Variants in PHF20L1 observed in about 807,000 individuals in gnomAD.
The protein encoded by PHF20L1 is PHD finger protein 20-like protein 1.
A neutral mutation model predicts 125.5 loss-of-function variants in PHF20L1; 44 were observed. That is an observed-to-expected ratio of 0.35 (90% confidence interval 0.28 to 0.45). The LOEUF is 0.45. PHF20L1 is among the 20% of genes least tolerant of loss of function. The pLI is 1.00. For missense variants in PHF20L1, 1,012 were observed against 1,217.2 expected (o/e 0.83, Z 2.51); for synonymous variants, 380 against 403.1 (o/e 0.94, Z 0.69).
At chr8:132,787,706 TGTA>T (rs1831214254) in intron 2 of PHF20L1, among the ~76,000 whole-genome samples, 1 of 152,160 alleles carries the variant, frequency 6.6e-6, no homozygotes, top group Admixed American at 6.5e-5. Context: ...ATACTGTAAT[TGTA>T]GTATGTGATA....
At chr8:132,800,329 T>C (rs1392430617) in intron 6 of PHF20L1, among the ~76,000 whole-genome samples, 1 of 151,732 alleles carries the variant, frequency 6.6e-6, no homozygotes, top group South Asian at 2.1e-4. Flanking sequence ...TAGTAGTATA[T>C]TTCTTTTAAT....
chr8:132,777,396 G>C (rs2131277964), intron 1 of PHF20L1, among the ~76,000 whole-genome samples: 1 of 152,126 alleles, frequency 6.6e-6, no homozygotes, highest in East Asian at 1.9e-4. Flanking sequence ...AAGAATTTCA[G>C]TAGTCCTATT....
intron 4 of PHF20L1, 43 bp downstream of exon 4, chr8:132,794,860 G>C (rs780489382): frequency 2.4e-6 from 3 of 1,254,452 alleles, no homozygotes; most frequent in Non-Finnish European, 3.5e-6. Flanking sequence ...TAGATTAATA[G>C]TAAAATTTCA....
chr8:132,827,389 C>G (rs1836298787), intron 14 of PHF20L1, among the ~76,000 whole-genome samples: 1 of 152,018 alleles, frequency 6.6e-6, no homozygotes, highest in African/African-American at 2.4e-5. Context: ...ATTTGCCTAG[C>G]TTAGGTGTTC....
intron 12 of PHF20L1, among the ~76,000 whole-genome samples, chr8:132,819,768 T>C (rs1835377443): frequency 6.6e-6 from 1 of 151,982 alleles, no homozygotes; most frequent in South Asian, 2.1e-4. Flanking sequence ...GTAAATTTTC[T>C]TACTGTTGAA....
chr8:132,820,880 A>G (rs1248211278), intron 12 of PHF20L1, among the ~76,000 whole-genome samples: 2 of 152,040 alleles, frequency 1.3e-5, no homozygotes, highest in Non-Finnish European at 1.5e-5. Flanking sequence ...GGTTGTATGC[A>G]TATAATTTTG....
chr8:132,793,479 T>G (rs1248711969), intron 2 of PHF20L1, among the ~76,000 whole-genome samples: 1 of 152,134 alleles, frequency 6.6e-6, no homozygotes, highest in Non-Finnish European at 1.5e-5. Context: ...AAACAAAGAT[T>G]CTGAATTTAG....
At chr8:132,804,509 A>T in intron 7 of PHF20L1, 106 bp from the exon 8 acceptor site, 1 of 799,564 alleles carries the variant, frequency 1.3e-6, no homozygotes, top group Non-Finnish European at 2.0e-6. Context: ...GTAGTAGATT[A>T]AAAAAACTAA....
intron 10 of PHF20L1, chr8:132,815,448 A>G (rs1193911368): frequency 1.3e-5 from 2 of 151,990 alleles, no homozygotes; most frequent in Admixed American, 6.6e-5. Context: ...TCACATGGGT[A>G]TATCTATCTA....
intron 6 of PHF20L1, among the ~76,000 whole-genome samples, chr8:132,802,376 T>G (rs1165363153): frequency 1.3e-5 from 2 of 151,752 alleles, no homozygotes; most frequent in African/African-American, 4.8e-5. Context: ...TTCCTGCTTA[T>G]GTTTAGGGTT....
intron 2 of PHF20L1, among the ~76,000 whole-genome samples, chr8:132,782,909 C>T (rs1830600418): frequency 1.3e-5 from 2 of 152,044 alleles, no homozygotes; most frequent in East Asian, 3.9e-4. Context: ...TAATAAAATC[C>T]TCATGTTTCC....
intron 12 of PHF20L1, among the ~76,000 whole-genome samples, chr8:132,822,844 T>G (rs905812070): frequency 6.6e-6 from 1 of 151,914 alleles, no homozygotes; most frequent in Admixed American, 6.6e-5. Flanking sequence ...TGAATGAAAT[T>G]TCAGATTTTT....
chr8:132,824,232 A>ATCTTGTTTTT lies in PHF20L1; in HGVS notation c.1636+181_1636+182insTTCTTGTTTT, dbSNP rs138589015. 55 of 429,026 alleles carry ATCTTGTTTTT rather than the reference A, an allele frequency of 1.3e-4. 1 individual carries two copies. The East Asian group carries it at 2.0e-3, about 15-fold the overall frequency. 26.6% of individuals were successfully genotyped at this position (429,026 alleles called of 1,614,324 possible). A position where few individuals can be genotyped will look rare whatever the true frequency, so the allele number is the denominator to read the frequency against. The stretch of plus-strand genomic sequence containing the variant: ...CAGATACATGATTTATTAAACACAT[A>ATCTTGTTTTT]TCTTGTTTTATATGTAACTTTTTTG... On this transcript the variant is annotated intron_variant, in intron 13 of 20. Transcript: ENST00000395386.
intron 2 of PHF20L1, among the ~76,000 whole-genome samples, chr8:132,784,517 A>G (rs1325938188): frequency 1.3e-5 from 2 of 151,892 alleles, no homozygotes; most frequent in East Asian, 3.9e-4. Context: ...TTTTTTTTAA[A>G]TCATACTTTT....
At chr8:132,837,583 A>G in intron 16 of PHF20L1, 129 bp from the exon 17 acceptor site, 1 of 642,786 alleles carries the variant, frequency 1.6e-6, no homozygotes, top group Admixed American at 2.3e-5. Flanking sequence ...TGTTGTGTCA[A>G]ATAAGTATGA....
At chr8:132,786,632 TG>T (rs1563782803) in intron 2 of PHF20L1, among the ~76,000 whole-genome samples, 1 of 152,160 alleles carries the variant, frequency 6.6e-6, no homozygotes, top group Non-Finnish European at 1.5e-5. Context: ...ATGGTCTTTA[TG>T]GACAGGAATA....
intron 8 of PHF20L1, among the ~76,000 whole-genome samples, chr8:132,805,269 C>G (rs1203857749): frequency 6.6e-6 from 1 of 151,806 alleles, no homozygotes; most frequent in Non-Finnish European, 1.5e-5. Flanking sequence ...AGGTTGGTCA[C>G]AAGAATCTGG....
chr8:132,845,295 CTG>C lies in PHF20L1; in HGVS notation c.2912-485_2912-484del, dbSNP rs553742212. On this transcript the variant is annotated intron_variant, in intron 20 of 20. Coordinates refer to ENST00000395386, the MANE Select transcript of PHF20L1 (RefSeq NM_016018.5). Reference sequence around the variant, plus strand: ...TAAAATAGTGGAACTGAAAAGAACACTGAGAAATTGCTACTTCCTTTTCTTTG... The same window carrying C: ...TAAAATAGTGGAACTGAAAAGAACACAGAAATTGCTACTTCCTTTTCTTTG... Among the ~76,000 whole-genome samples, 21 of 152,082 alleles carry C rather than the reference CTG, an allele frequency of 1.4e-4. No individual in the cohort carries two copies. In the South Asian group the frequency reaches 3.9e-3, roughly 29 times the overall value.
Position 132,842,790 on chromosome 8 carries a change from G to C in PHF20L1, c.2663G>C (p.Ser888Thr), listed in dbSNP as rs200284100. 1.9e-5 allele frequency: 31 copies of C among 1,613,028 alleles called. No individual in the cohort carries two copies. The African/African-American group carries it at 4.0e-4, about 21-fold the overall frequency. ...GGGAGCTCAGATGATGATGATGTTAGTAGTTTGGAAGAAGAACAAGAATTC... is the reference window on the plus strand; with the variant it reads ...GGGAGCTCAGATGATGATGATGTTACTAGTTTGGAAGAAGAACAAGAATTC... ...DPGSSDDDDV[S>T]SLEEEQEFHM... is the part of the protein sequence containing the mutation. Residue 888 changes from serine to threonine, a missense_variant, in exon 19 of 21, where the codon AGT becomes ACT. Physicochemically the swap from Ser to Thr is moderately conservative, Grantham distance 58. This residue lies in a region of PHF20L1 where 277 missense variants were observed against 283.6 expected (regional missense o/e 0.98). Coordinates refer to ENST00000395386, the MANE Select transcript of PHF20L1 (RefSeq NM_016018.5).
Sources: gnomAD v4.1 joint callset for allele counts (sites outside exome capture counted in the v4.1 genomes callset) on GRCh38, gnomAD v4.1.1 for gene constraint, gnomAD v4.1.1 regional missense constraint, MANE v1.5 for transcripts, NCBI Gene and HGNC (gene_info 2026-07-23, HGNC 2026-07-21) for gene names.